Variants in DLD observed in about 807,000 individuals in gnomAD.
DLD encodes dihydrolipoamide dehydrogenase.
In DLD, 36 loss-of-function variants were observed where a neutral mutation model predicts 62.2. That is an observed-to-expected ratio of 0.58 (90% CI 0.44 to 0.76). DLD has a LOEUF of 0.76. Ranked by LOEUF, DLD falls within the 30% of genes least tolerant of loss-of-function variation. The pLI is 0.00. For synonymous variants in DLD, 204 were observed against 199.6 expected (o/e 1.02, Z -0.19); for missense variants, 541 against 608.6 (o/e 0.89, Z 1.17).
intron 2 of DLD, among the ~76,000 whole-genome samples, chr7:107,900,074 T>C (rs1204441870): frequency 6.6e-6 from 1 of 152,040 alleles, no homozygotes; most frequent in African/African-American, 2.4e-5. Context: ...CAGTAAAAAT[T>C]GAAGCAATTT....
chr7:107,916,294 A>G (rs10241913), intron 9 of DLD, among the ~76,000 whole-genome samples: 30,099 of 152,066 alleles, frequency 0.2, 3,305 homozygotes, highest in East Asian at 0.51. Context: ...TGAGATTTTA[A>G]TAACAGACCT....
At position 107,906,336 on chromosome 7, in the gene DLD, G is replaced by T; in HGVS notation, c.652G>T (p.Val218Phe). ...AAAAAAAGTTCCAGAAAAGATGGTT[G>T]TTATTGGTGCAGGAGTAATAGGTGT... is the stretch of plus-strand genomic sequence containing the variant. ...SLKKVPEKMV[V>F]IGAGVIGVEL... The change falls in exon 8 of 14, where the codon GTT becomes TTT. Residue 218 changes from valine to phenylalanine, a missense_variant. By Grantham distance (50) the Val-to-Phe change is conservative (BLOSUM62 -1). Transcript: ENST00000205402. 1 of 1,611,138 alleles carries T rather than the reference G, an allele frequency of 6.2e-7. No homozygotes were observed. The highest frequency in any genetic ancestry group is 8.5e-7 in the Non-Finnish European group (1 of 1,177,426).
rs778579492 is a variant in DLD, at chr7:107,918,030, A to G, written c.1343A>G (p.Asp448Gly). ...AAGATCCTTGGGCAGAAATCGACAG[A>G]CAGAGTACTGGGAGCACATATTCTT... ...MVKILGQKST[D>G]RVLGAHILGP... Residue 448 changes from aspartate to glycine, a missense_variant, in exon 12 of 14, where the codon GAC becomes GGC. Asp to Gly is a moderately conservative substitution (Grantham distance 94, BLOSUM62 -1). Coordinates refer to ENST00000205402, the MANE Select transcript of DLD (RefSeq NM_000108.5). The G allele has an allele frequency of 6.2e-7, 1 of 1,614,088 alleles. No individual in the cohort carries two copies. The highest frequency in any genetic ancestry group is 1.1e-5 in the South Asian group (1 of 91,086).
At chr7:107,911,176 A>C (rs1445674890) in intron 8 of DLD, among the ~76,000 whole-genome samples, 1 of 152,164 alleles carries the variant, frequency 6.6e-6, no homozygotes, top group Non-Finnish European at 1.5e-5. Context: ...CAGCCCCTGG[A>C]AACCACTAAT....
Position 107,898,406 on chromosome 7 carries a change from G to A in DLD, c.119-3332G>A, listed in dbSNP as rs957191184. 4.2e-5 allele frequency among the ~76,000 whole-genome samples: 6 copies of A among 142,996 alleles called. 1 individual carries two copies. Among genetic ancestry groups the A allele is most frequent in the Middle Eastern group, 8.2e-3 (2 of 244 alleles). The allele number at this position is 142,996 out of a possible 152,430, so 93.8% of individuals were successfully genotyped here. On this transcript the variant is annotated intron_variant, in intron 2 of 13. Transcript: ENST00000205402. ...AGCGATTCTCCTGCCTCAGCCTCCC[G>A]AGTAGCTGGGGTTACAGGTGCTTGC...
intron 7 of DLD, chr7:107,905,895 G>T: frequency 3.2e-6 from 1 of 317,070 alleles, no homozygotes; most frequent in Non-Finnish European, 5.9e-6. Context: ...TCATATCCTT[G>T]GAGGATTGGT....
At position 107,912,452 on chromosome 7, in the gene DLD, T is replaced by TA. The variant is rs574987766; in HGVS notation, c.685-3053dup. Reference sequence around the variant, plus strand: ...CTAACTTACATTCCCACTAACAGTGTATGAGGGTTCTCCTTTCTCCACATC... The same window carrying TA: ...CTAACTTACATTCCCACTAACAGTGTAATGAGGGTTCTCCTTTCTCCACATC... On this transcript the variant is annotated intron_variant, in intron 8 of 13. Coordinates refer to ENST00000205402, the MANE Select transcript of DLD (RefSeq NM_000108.5). Among the ~76,000 whole-genome samples, 1,086 of 152,262 alleles carry TA rather than the reference T, an allele frequency of 7.1e-3. 8 individuals carry two copies. The highest frequency in any genetic ancestry group is 0.058 in the Middle Eastern group (17 of 294).
Position 107,916,779 on chromosome 7 carries a change from C to CGA in DLD, c.876-15_876-14insGA. 1.2e-6 allele frequency: 2 copies of CGA among 1,611,744 alleles called. No homozygotes were observed. Among genetic ancestry groups the CGA allele is most frequent in the Non-Finnish European group, 1.7e-6 (2 of 1,178,458 alleles). On this transcript the variant is annotated splice_polypyrimidine_tract_variant and intron_variant, in intron 9 of 13. Coordinates refer to ENST00000205402, the MANE Select transcript of DLD (RefSeq NM_000108.5). ...TAGGTGTGTATTTAACATTTATACA[C>CGA]TGTTTGTTATCTAGTATTGAAGCTG...
At chr7:107,909,096 G>A (rs773305653) in intron 8 of DLD, among the ~76,000 whole-genome samples, 3 of 152,172 alleles carry the variant, frequency 2.0e-5, no homozygotes, top group Non-Finnish European at 4.4e-5. Flanking sequence ...AATCAGTTTA[G>A]TTGTTTTTAT....
At chr7:107,904,560 C>T (rs554003378) in intron 5 of DLD, 8 of 385,830 alleles carry the variant, frequency 2.1e-5, no homozygotes, top group South Asian at 3.9e-5. Flanking sequence ...AATTTTTAAA[C>T]GTGTATTTTT....
In DLD at chr7:107,919,954, C is replaced by T. The variant is rs2032368448; in HGVS notation, c.*695C>T. The T allele has an allele frequency of 6.6e-6, 1 of 152,338 alleles. No homozygotes were observed. The highest frequency in any genetic ancestry group is 2.4e-5 in the African/African-American group (1 of 41,430). 9.4% of individuals were successfully genotyped at this position (152,338 alleles called of 1,614,324 possible). A position where few individuals can be genotyped will look rare whatever the true frequency, so the allele number is the denominator to read the frequency against. ...GGAATGAAGATACTGAAATAAACGTCTTAAATATTCATTTACTGGTTATCA... is the reference window on the plus strand; with the variant it reads ...GGAATGAAGATACTGAAATAAACGTTTTAAATATTCATTTACTGGTTATCA... On this transcript the variant is annotated 3_prime_UTR_variant, in exon 14 of 14. Transcript: ENST00000205402.
Position 107,919,303 on chromosome 7 carries a change from T to A in DLD, c.*44T>A, listed in dbSNP as rs2032352737. On this transcript the variant is annotated 3_prime_UTR_variant, in exon 14 of 14. Transcript: ENST00000205402. ...TTTTTTTCTGAAATTTCCTGGGAGC[T>A]TTTGTAGAAGTCACATTCCTGAACA... The A allele has an allele frequency of 6.7e-7, 1 of 1,488,896 alleles. No homozygotes were observed. Among genetic ancestry groups the A allele is most frequent in the East Asian group, 2.3e-5 (1 of 44,084 alleles). 92.2% of individuals were successfully genotyped at this position (1,488,896 alleles called of 1,614,324 possible).
At chr7:107,905,672 C>T in intron 7 of DLD, 168 bp downstream of exon 7, 2 of 703,712 alleles carry the variant, frequency 2.8e-6, no homozygotes, top group Non-Finnish European at 2.5e-6. Flanking sequence ...GTGATTCTGA[C>T]CAGCTATAGA....
At position 107,891,267 on chromosome 7, in the gene DLD, G is replaced by T; in HGVS notation, c.17G>T (p.Arg6Leu). ...AGCGGAAAAATGCAGAGCTGGAGTC[G>T]TGTGTACTGCTCCTTGGCCAAGGTG... MQSWS[R>L]VYCSLAKRGH... The change falls in exon 1 of 14, where the codon CGT becomes CTT. Residue 6 changes from arginine to leucine, a missense_variant. Physicochemically the swap from Arg to Leu is moderately radical, Grantham distance 102. Coordinates refer to ENST00000205402, the MANE Select transcript of DLD (RefSeq NM_000108.5). 1.2e-6 allele frequency: 2 copies of T among 1,614,142 alleles called. No individual in the cohort carries two copies. Among genetic ancestry groups the T allele is most frequent in the Non-Finnish European group, 1.7e-6 (2 of 1,179,962 alleles).
At chr7:107,903,319 G>C (rs535258639) in intron 4 of DLD, among the ~76,000 whole-genome samples, 159 bp from the exon 5 acceptor site, 1 of 152,106 alleles carries the variant, frequency 6.6e-6, no homozygotes, top group Non-Finnish European at 1.5e-5. Flanking sequence ...CGGAGGTTGC[G>C]GTGAGCTGAG....
At chr7:107,902,882 A>G (rs1311227799) in intron 4 of DLD, among the ~76,000 whole-genome samples, 2 of 152,090 alleles carry the variant, frequency 1.3e-5, no homozygotes, top group Non-Finnish European at 2.9e-5. Flanking sequence ...AATAAGAGAA[A>G]CTGAATTGGT....
chr7:107,895,783 G>A (rs1265248096), intron 2 of DLD, among the ~76,000 whole-genome samples: 1 of 152,136 alleles, frequency 6.6e-6, no homozygotes, highest in Non-Finnish European at 1.5e-5. Context: ...TAGCTAAAAA[G>A]GTTGAGAGTA....
At chr7:107,902,971 C>G (rs564675822) in intron 4 of DLD, among the ~76,000 whole-genome samples, 15 of 151,880 alleles carry the variant, frequency 9.9e-5, no homozygotes, top group African/African-American at 3.4e-4. Flanking sequence ...TGTAAATTGA[C>G]AAATTACAAT....
chr7:107,910,655 T>G (rs937280754), intron 8 of DLD, among the ~76,000 whole-genome samples: 1 of 152,222 alleles, frequency 6.6e-6, no homozygotes, highest in Non-Finnish European at 1.5e-5. Context: ...TGAGCCACTC[T>G]GAACCAGTTG....
Sources: allele counts gnomAD v4.1 joint callset (sites outside exome capture counted in the v4.1 genomes callset), GRCh38; gene constraint gnomAD v4.1.1; transcripts MANE v1.5; gene names NCBI Gene and HGNC (gene_info 2026-07-23, HGNC 2026-07-21).